Variants in MEIOB observed in about 807,000 individuals in gnomAD.
MEIOB encodes meiosis specific with OB-fold.
Under a neutral mutation model 53.1 loss-of-function variants are expected in MEIOB, and 50 were observed. That is an observed-to-expected ratio of 0.94 (90% confidence interval 0.75 to 1.19). MEIOB has a LOEUF of 1.19. MEIOB is among the 50% of genes most tolerant of loss of function. MEIOB has a pLI of 0.00. For synonymous variants in MEIOB, 192 were observed against 182.5 expected (o/e 1.05, Z -0.42); for missense variants, 551 against 550.8 (o/e 1.00, Z 0.00).
intron 11 of MEIOB, 164 bp from the exon 12 acceptor site, chr16:1,839,602 C>A (rs1003023013): frequency 9.9e-6 from 6 of 603,862 alleles, no homozygotes; most frequent in Non-Finnish European, 1.6e-5. Flanking sequence ...AACAGTAAAA[C>A]ACACTTTCTA....
At chr16:1,856,161 A>T (rs373522094) in intron 6 of MEIOB, among the ~76,000 whole-genome samples, 2 of 143,372 alleles carry the variant, frequency 1.4e-5, no homozygotes, top group Non-Finnish European at 1.5e-5. Context: ...TGCCCAGCTA[A>T]TTTTTTTTTT....
intron 6 of MEIOB, among the ~76,000 whole-genome samples, chr16:1,857,231 A>G (rs1172297390): frequency 6.6e-6 from 1 of 152,112 alleles, no homozygotes; most frequent in Non-Finnish European, 1.5e-5. Context: ...ACGGAGGGCC[A>G]TCCTCCCGTG....
At chr16:1,859,693 G>A (rs1260237922) in intron 5 of MEIOB, among the ~76,000 whole-genome samples, 3 of 152,204 alleles carry the variant, frequency 2.0e-5, no homozygotes, top group Admixed American at 6.5e-5. Flanking sequence ...AAAGAAGGTG[G>A]GAACGGGTCA....
At chr16:1,844,122 CTTTT>C (rs755682782) in intron 10 of MEIOB, among the ~76,000 whole-genome samples, 4 of 129,428 alleles carry the variant, frequency 3.1e-5, no homozygotes, top group African/African-American at 2.8e-5. Context: ...TATTATGTTT[CTTTT>C]TTTTTTTTTT....
intron 3 of MEIOB, among the ~76,000 whole-genome samples, chr16:1,865,298 G>A (rs1392103572): frequency 6.6e-6 from 1 of 152,108 alleles, no homozygotes. Context: ...TGGGCATGAT[G>A]GCATGTGCCT....
In MEIOB at chr16:1,869,575, G is replaced by C. The variant is rs1899681587; in HGVS notation, c.-9-1391C>G. Among the ~76,000 whole-genome samples the C allele has an allele frequency of 2.0e-5, 3 of 150,640 alleles. No homozygotes were observed. The South Asian group carries it at 6.3e-4, about 32-fold the overall frequency. On this transcript the variant is annotated intron_variant, in intron 1 of 13. Transcript: ENST00000325962. ...CCATTCTCCCACCTCAGCCTCCCGAGTAGCTGGGATTACAGGCACCTGCCA... is the reference window on the plus strand; with the variant it reads ...CCATTCTCCCACCTCAGCCTCCCGACTAGCTGGGATTACAGGCACCTGCCA...
At chr16:1,852,530 G>A (rs1899199127) in intron 9 of MEIOB, among the ~76,000 whole-genome samples, 1 of 151,202 alleles carries the variant, frequency 6.6e-6, no homozygotes, top group African/African-American at 2.4e-5. Context: ...CAAAGTGCTG[G>A]AATTACAGGT....
At chr16:1,835,554 C>T (rs1448446650) in intron 13 of MEIOB, among the ~76,000 whole-genome samples, 1 of 152,064 alleles carries the variant, frequency 6.6e-6, no homozygotes, top group Non-Finnish European at 1.5e-5. Flanking sequence ...TTTAAGTGGG[C>T]AATAACAATA....
rs554246391 is a variant in MEIOB at position 1,862,896 on chromosome 16, C to A, written c.128-780G>T. The stretch of plus-strand genomic sequence containing the variant: ...TCCAGCCTGGGTGACAAGAGAAAAA[C>A]TCTTGTCTCAAAAATAAATAAATAA... On this transcript the variant is annotated intron_variant, in intron 3 of 13. Transcript: ENST00000325962. Among the ~76,000 whole-genome samples, 268 of 151,734 alleles carry A rather than the reference C, an allele frequency of 1.8e-3. 1 individual carries two copies. The highest frequency in any genetic ancestry group is 3.4e-3 in the Middle Eastern group (1 of 292).
chr16:1,869,764 T>TA (rs1312382820), intron 1 of MEIOB, among the ~76,000 whole-genome samples: 3 of 151,696 alleles, frequency 2.0e-5, no homozygotes, highest in Non-Finnish European at 4.4e-5. Context: ...GTGGGACATT[T>TA]AAGGATTTAA....
intron 9 of MEIOB, among the ~76,000 whole-genome samples, chr16:1,849,046 A>C (rs1345408374): frequency 6.6e-6 from 1 of 152,140 alleles, no homozygotes; most frequent in African/African-American, 2.4e-5. Context: ...GCACTTTGGG[A>C]GGCCAAGACC....
At chr16:1,846,538 A>G (rs1018244717) in intron 9 of MEIOB, among the ~76,000 whole-genome samples, 4 of 152,200 alleles carry the variant, frequency 2.6e-5, no homozygotes, top group South Asian at 4.1e-4. Flanking sequence ...TAGCAAAGAC[A>G]TGGAACCAGC....
At position 1,834,245 on chromosome 16, in the gene MEIOB, G is replaced by A. The variant is rs764448521; in HGVS notation, c.*11C>T. ...CTTATACTTTTCCAGAGTTCAAAAT[G>A]ATAGACCGTTTTAAACATGTTTTTG... On this transcript the variant is annotated 3_prime_UTR_variant, in exon 14 of 14. Coordinates refer to ENST00000325962, the MANE Select transcript of MEIOB (RefSeq NM_001163560.3). 4 of 1,475,586 alleles carry A rather than the reference G, an allele frequency of 2.7e-6. No individual in the cohort carries two copies. The highest frequency in any genetic ancestry group is 3.8e-6 in the Non-Finnish European group (4 of 1,059,086). The allele number at this position is 1,475,586 out of a possible 1,614,324, so 91.4% of individuals were successfully genotyped here. A position where few individuals can be genotyped will look rare whatever the true frequency, so the allele number is the denominator to read the frequency against.
At chr16:1,868,809 G>A (rs994293249) in intron 1 of MEIOB, among the ~76,000 whole-genome samples, 4 of 149,060 alleles carry the variant, frequency 2.7e-5, no homozygotes, top group African/African-American at 9.9e-5. Flanking sequence ...GAGCTGAGAT[G>A]GCACCACTGC....
At chr16:1,869,046 T>C (rs1899666302) in intron 1 of MEIOB, among the ~76,000 whole-genome samples, 1 of 152,170 alleles carries the variant, frequency 6.6e-6, no homozygotes, top group African/African-American at 2.4e-5. Context: ...TTAACTTTCA[T>C]TTCTAAAACC....
intron 12 of MEIOB, 86 bp from the exon 13 acceptor site, chr16:1,837,956 C>T (rs2142074819): frequency 1.4e-6 from 2 of 1,446,170 alleles, no homozygotes; most frequent in East Asian, 2.5e-5. Context: ...CAAACTTTCT[C>T]ATTAGAAATG....
At chr16:1,854,864 G>T (rs1430810810) in intron 6 of MEIOB, among the ~76,000 whole-genome samples, 3 of 151,752 alleles carry the variant, frequency 2.0e-5, no homozygotes, top group Non-Finnish European at 4.4e-5. Flanking sequence ...TTGAAACTAG[G>T]ACCCTTCTCT....
chr16:1,863,326 C>G (rs1038509169), intron 3 of MEIOB, among the ~76,000 whole-genome samples: 1 of 151,368 alleles, frequency 6.6e-6, no homozygotes, highest in Non-Finnish European at 1.5e-5. Context: ...GGGCTACAGA[C>G]GCACACCACC....
chr16:1,867,996 C>G, intron 2 of MEIOB, 111 bp downstream of exon 2: 3 of 607,662 alleles, frequency 4.9e-6, no homozygotes, highest in Non-Finnish European at 9.0e-6. Context: ...CAATGAGTAT[C>G]TATATACTTG....
Sources: gnomAD v4.1 joint callset for allele counts (sites outside exome capture counted in the v4.1 genomes callset) on GRCh38, gnomAD v4.1.1 for gene constraint, MANE v1.5 for transcripts, NCBI Gene and HGNC (gene_info 2026-07-23, HGNC 2026-07-21) for gene names.